Variants in GPATCH8 observed in about 807,000 individuals in gnomAD.
The protein encoded by GPATCH8 is G patch domain-containing protein 8.
A neutral mutation model predicts 118.3 loss-of-function variants in GPATCH8; 18 were observed. That is an observed-to-expected ratio of 0.15 (90% CI 0.11 to 0.23). The LOEUF is 0.23. GPATCH8 is among the 10% of genes least tolerant of loss of function. The pLI is 1.00. For synonymous variants in GPATCH8, 659 were observed against 684.7 expected (o/e 0.96, Z 0.59); for missense variants, 1,631 against 1,873.8 (o/e 0.87, Z 2.39).
chr17:44,411,998 C>T (rs4393612), intron 6 of GPATCH8, among the ~76,000 whole-genome samples: 68,466 of 152,074 alleles, frequency 0.45, 16,941 homozygotes, highest in Non-Finnish European at 0.56. Context: ...TCTCAGCTCA[C>T]CGCAACCTCT....
chr17:44,467,553 T>C (rs903622254), intron 2 of GPATCH8, among the ~76,000 whole-genome samples: 1 of 152,122 alleles, frequency 6.6e-6, no homozygotes, highest in African/African-American at 2.4e-5. Flanking sequence ...GTCCTTCCAA[T>C]CATAACAAAG....
chr17:44,420,790 T>C (rs1031590781), intron 6 of GPATCH8, among the ~76,000 whole-genome samples: 1 of 152,206 alleles, frequency 6.6e-6, no homozygotes, highest in African/African-American at 2.4e-5. Flanking sequence ...TGTAAATCTG[T>C]TTTGCTTTTT....
chr17:44,503,274 T>A, intron 1 of GPATCH8, 52 bp downstream of exon 1: 1 of 1,513,940 alleles, frequency 6.6e-7, no homozygotes, highest in South Asian at 1.2e-5. Flanking sequence ...ATGAAGGAGG[T>A]TCTGGGCTAG....
intron 3 of GPATCH8, among the ~76,000 whole-genome samples, chr17:44,458,802 G>A (rs1251519588): frequency 6.6e-6 from 1 of 152,168 alleles, no homozygotes; most frequent in Non-Finnish European, 1.5e-5. Context: ...GGGATTACAG[G>A]TGCTTAAGTC....
At chr17:44,429,430 AAAAT>A (rs552639427) in intron 5 of GPATCH8, among the ~76,000 whole-genome samples, 155 of 152,264 alleles carry the variant, frequency 1.0e-3, no homozygotes, top group African/African-American at 3.5e-3. Context: ...TGGAAACAAG[AAAAT>A]AAATAAATGT....
chr17:44,490,023 C>A (rs185914030), intron 1 of GPATCH8, among the ~76,000 whole-genome samples: 2 of 152,232 alleles, frequency 1.3e-5, no homozygotes, highest in East Asian at 3.9e-4. Context: ...GGGGGTAAGG[C>A]TGGGTGCAGT....
intron 6 of GPATCH8, among the ~76,000 whole-genome samples, chr17:44,414,027 T>C (rs1337469998): frequency 6.7e-6 from 1 of 150,320 alleles, no homozygotes; most frequent in Non-Finnish European, 1.5e-5. Flanking sequence ...TGGTATATTC[T>C]TTAACAGCAC....
At chr17:44,441,225 T>A (rs955852984) in intron 3 of GPATCH8, among the ~76,000 whole-genome samples, 10 of 152,148 alleles carry the variant, frequency 6.6e-5, no homozygotes, top group South Asian at 2.1e-4. Flanking sequence ...ACAACCATAA[T>A]CTAGTAATCA....
At chr17:44,493,545 A>G (rs1447397024) in intron 1 of GPATCH8, among the ~76,000 whole-genome samples, 1 of 152,210 alleles carries the variant, frequency 6.6e-6, no homozygotes, top group Non-Finnish European at 1.5e-5. Flanking sequence ...ACCACAGTAC[A>G]TATACCTTGA....
rs1437880568 is a variant in GPATCH8 at position 44,395,417 on chromosome 17, T to A, written c.*2151A>T. Reference sequence around the variant, plus strand: ...TTTATTTTTATTTTTACTTTTAAAATCACTATTCTGGAAGTTAAAGAAAAT... The same window carrying A: ...TTTATTTTTATTTTTACTTTTAAAAACACTATTCTGGAAGTTAAAGAAAAT... On this transcript the variant is annotated 3_prime_UTR_variant, in exon 8 of 8. Coordinates refer to ENST00000591680, the MANE Select transcript of GPATCH8 (RefSeq NM_001002909.4). 2.2e-6 allele frequency: 1 copy of A among 453,730 alleles called. No individual in the cohort carries two copies. The highest frequency in any genetic ancestry group is 4.4e-6 in the Non-Finnish European group (1 of 226,582). The allele number at this position is 453,730 out of a possible 1,614,324, so 28.1% of individuals were successfully genotyped here.
intron 3 of GPATCH8, among the ~76,000 whole-genome samples, chr17:44,451,879 A>T (rs767718622): frequency 6.6e-6 from 1 of 152,112 alleles, no homozygotes; most frequent in Non-Finnish European, 1.5e-5. Flanking sequence ...TCTCTCCAGG[A>T]TAGGGAAGTA....
At position 44,396,867 on chromosome 17, in the gene GPATCH8, A is replaced by G. The variant is rs2048797319; in HGVS notation, c.*701T>C. On this transcript the variant is annotated 3_prime_UTR_variant, in exon 8 of 8. Coordinates refer to ENST00000591680, the MANE Select transcript of GPATCH8 (RefSeq NM_001002909.4). ...AGACACATGAGCTCCTCTCTGGGCC[A>G]TACAGCTTTTATTCATGATAGGATC... 1 of 454,282 alleles carries G rather than the reference A, an allele frequency of 2.2e-6. No individual in the cohort carries two copies. Among genetic ancestry groups the G allele is most frequent in the Admixed American group, 2.3e-5 (1 of 42,556 alleles). 28.1% of individuals were successfully genotyped at this position (454,282 alleles called of 1,614,324 possible).
chr17:44,477,862 C>T (rs1417016621), intron 1 of GPATCH8, among the ~76,000 whole-genome samples: 9 of 152,140 alleles, frequency 5.9e-5, no homozygotes, highest in Non-Finnish European at 1.2e-4. Context: ...CAGGCTAGAG[C>T]GCAGTGATGC....
At position 44,401,019 on chromosome 17, in the gene GPATCH8, C is replaced by G; in HGVS notation, c.1058G>C (p.Ser353Thr). 1.2e-6 allele frequency: 2 copies of G among 1,614,002 alleles called. No individual in the cohort carries two copies. Among genetic ancestry groups the G allele is most frequent in the Non-Finnish European group, 1.7e-6 (2 of 1,179,860 alleles). Residue 353 changes from serine (S) to threonine (T), a missense_variant, in exon 8 of 8, where the codon AGT becomes ACT. Physicochemically the swap from Ser to Thr is moderately conservative, Grantham distance 58 (BLOSUM62 1). Around this residue, in one of 8 missense-constraint regions of GPATCH8, gnomAD observed 405 missense variants for 462.7 expected, o/e 0.88. Transcript: ENST00000591680. The part of the protein sequence containing the change: ...LQKVGDSDGS[S>T]NLDGKKEDED... ...ATCCTCTTTTTTACCATCAAGATTACTGCTCCCATCAGAGTCTCCTACCTT... is the reference window on the plus strand; with the variant it reads ...ATCCTCTTTTTTACCATCAAGATTAGTGCTCCCATCAGAGTCTCCTACCTT...
chr17:44,429,835 A>G (rs1391864485), intron 5 of GPATCH8, among the ~76,000 whole-genome samples: 1 of 150,778 alleles, frequency 6.6e-6, no homozygotes, highest in Non-Finnish European at 1.5e-5. Context: ...CTGCACCCCA[A>G]CTTGAGTGAC....
chr17:44,408,901 T>C (rs1017070918), intron 6 of GPATCH8, among the ~76,000 whole-genome samples: 1 of 152,158 alleles, frequency 6.6e-6, no homozygotes, highest in Admixed American at 6.5e-5. Flanking sequence ...AGTATCACAT[T>C]TACAAACTTT....
intron 1 of GPATCH8, among the ~76,000 whole-genome samples, chr17:44,494,287 C>A (rs1176007378): frequency 1.3e-5 from 2 of 152,068 alleles, no homozygotes; most frequent in Non-Finnish European, 2.9e-5. Context: ...CATCTCCTTA[C>A]CACGCTTAAA....
chr17:44,456,814 T>C (rs1342301269), intron 3 of GPATCH8, among the ~76,000 whole-genome samples: 1 of 152,174 alleles, frequency 6.6e-6, no homozygotes, highest in Non-Finnish European at 1.5e-5. Flanking sequence ...TCTGCCTTCT[T>C]TAGGTCTTTT....
intron 7 of GPATCH8, 91 bp downstream of exon 7, chr17:44,405,830 T>C (rs1425565118): frequency 4.8e-6 from 5 of 1,044,168 alleles, no homozygotes; most frequent in Non-Finnish European, 7.1e-6. Flanking sequence ...TAAATCTTAA[T>C]TTAAATCTTA....
Sources: allele counts gnomAD v4.1 joint callset (sites outside exome capture counted in the v4.1 genomes callset), GRCh38; gene constraint gnomAD v4.1.1; regional missense constraint gnomAD v4.1.1; transcripts MANE v1.5; gene names NCBI Gene and HGNC (gene_info 2026-07-23, HGNC 2026-07-21).